The following MACROD2 variants were observed in gnomAD, a reference collection of about 807,000 sequenced individuals.
The protein encoded by MACROD2 is mono-ADP ribosylhydrolase 2.
A neutral mutation model predicts 70.4 loss-of-function variants in MACROD2; 36 were observed. The observed-to-expected ratio is 0.51, with a 90% CI of 0.39 to 0.68. The LOEUF (loss-of-function observed/expected upper bound fraction) is 0.68, where lower values mean the gene tolerates loss of function less well. MACROD2 is among the 30% of genes least tolerant of loss of function. The probability of loss-of-function intolerance (pLI) is 0.00; values close to 1 mark genes in which losing one functional copy is unlikely to be tolerated. For missense variants in MACROD2, 496 were observed against 538.4 expected (o/e 0.92, Z 0.78); for synonymous variants, 172 against 178.8 (o/e 0.96, Z 0.30).
chr20:14,276,165 G>T (rs935746932), intron 3 of MACROD2, among the ~76,000 whole-genome samples: 1 of 149,532 alleles, frequency 6.7e-6, no homozygotes, highest in Non-Finnish European at 1.5e-5. Flanking sequence ...CTGCTATAAA[G>T]ACACATGCAC....
At chr20:14,595,305 A>G (rs1982053278) in intron 4 of MACROD2, among the ~76,000 whole-genome samples, 1 of 152,168 alleles carries the variant, frequency 6.6e-6, no homozygotes, top group Non-Finnish European at 1.5e-5. Context: ...AAAAAAATAC[A>G]CAGTGACTCT....
intron 3 of MACROD2, among the ~76,000 whole-genome samples, chr20:14,360,043 C>T (rs549184677): frequency 6.9e-6 from 1 of 144,438 alleles, no homozygotes; most frequent in African/African-American, 2.6e-5. Flanking sequence ...TATGTGAAAT[C>T]TTAAAAAGTT....
intron 3 of MACROD2, among the ~76,000 whole-genome samples, chr20:14,383,221 C>G (rs906351515): frequency 6.6e-6 from 1 of 152,168 alleles, no homozygotes; most frequent in Non-Finnish European, 1.5e-5. Flanking sequence ...AGTTTCTGCA[C>G]TTGTCATTTT....
chr20:14,564,670 A>G (rs1001319844), intron 4 of MACROD2, among the ~76,000 whole-genome samples: 1 of 151,952 alleles, frequency 6.6e-6, no homozygotes, highest in Non-Finnish European at 1.5e-5. Context: ...CAGAATAGCT[A>G]TTAAAAAGTC....
chr20:15,289,482 CTG>C (rs2077522164), intron 6 of MACROD2, among the ~76,000 whole-genome samples: 1 of 152,174 alleles, frequency 6.6e-6, no homozygotes, highest in African/African-American at 2.4e-5. Flanking sequence ...CAAACTTAAA[CTG>C]TTGTTTGATT....
intron 4 of MACROD2, among the ~76,000 whole-genome samples, chr20:14,660,493 C>CAT (rs937763059): frequency 1.3e-5 from 2 of 152,066 alleles, no homozygotes; most frequent in African/African-American, 2.4e-5. Flanking sequence ...CTATGCTAGG[C>CAT]ATATATATAC....
chr20:15,196,316 T>C (rs1210993233), intron 5 of MACROD2, among the ~76,000 whole-genome samples: 1 of 150,880 alleles, frequency 6.6e-6, no homozygotes, highest in Non-Finnish European at 1.5e-5. Flanking sequence ...AACATACAAA[T>C]ATAACAAGAA....
chr20:15,892,091 A>G (rs4814412), intron 10 of MACROD2, among the ~76,000 whole-genome samples: 4 of 151,930 alleles, frequency 2.6e-5, no homozygotes, highest in Non-Finnish European at 4.4e-5. Context: ...CACTGGCTAC[A>G]TGAACCAGGG....
At chr20:15,198,416 A>G (rs1451888265) in intron 5 of MACROD2, among the ~76,000 whole-genome samples, 1 of 152,200 alleles carries the variant, frequency 6.6e-6, no homozygotes. Context: ...AGGCATAATA[A>G]AAAGCAAAAA....
chr20:14,725,258 A>G (rs1317676009), intron 5 of MACROD2, among the ~76,000 whole-genome samples: 1 of 152,182 alleles, frequency 6.6e-6, no homozygotes, highest in Non-Finnish European at 1.5e-5. Context: ...TAGCACTTGA[A>G]AATGTGAATC....
chr20:14,833,419 G>T (rs2122242345), intron 5 of MACROD2, among the ~76,000 whole-genome samples: 1 of 152,182 alleles, frequency 6.6e-6, no homozygotes, highest in South Asian at 2.1e-4. Flanking sequence ...CAGGCTGAGA[G>T]GACACACAGG....
chr20:14,426,502 A>G (rs1312231996), intron 3 of MACROD2, among the ~76,000 whole-genome samples: 1 of 152,116 alleles, frequency 6.6e-6, no homozygotes, highest in Non-Finnish European at 1.5e-5. Context: ...CTTTCATATT[A>G]GTGACTTTCC....
chr20:14,766,926 A>G (rs537611254), intron 5 of MACROD2, among the ~76,000 whole-genome samples: 2 of 152,274 alleles, frequency 1.3e-5, no homozygotes, highest in Non-Finnish European at 2.9e-5. Flanking sequence ...ACTATAAATG[A>G]TACTTAAATA....
chr20:15,212,498 C>T (rs1042147292), intron 5 of MACROD2, among the ~76,000 whole-genome samples: 4 of 152,058 alleles, frequency 2.6e-5, no homozygotes, highest in African/African-American at 9.7e-5. Flanking sequence ...TACTTTTGGA[C>T]AAGTTTTGCT....
chr20:14,273,822 G>A (rs978234220), intron 3 of MACROD2, among the ~76,000 whole-genome samples: 21 of 151,982 alleles, frequency 1.4e-4, no homozygotes, highest in South Asian at 4.2e-4. Flanking sequence ...TATCACCACC[G>A]ATCCCACAGA....
chr20:15,945,983 G>A (rs1339069069), intron 12 of MACROD2, among the ~76,000 whole-genome samples: 1 of 152,114 alleles, frequency 6.6e-6, no homozygotes, highest in South Asian at 2.1e-4. Context: ...TTGGAACCAC[G>A]GCAACAGGGA....
At chr20:14,266,900 G>T (rs1477770399) in intron 3 of MACROD2, among the ~76,000 whole-genome samples, 2 of 152,166 alleles carry the variant, frequency 1.3e-5, no homozygotes, top group Admixed American at 6.5e-5. Flanking sequence ...TGGTGTTTCT[G>T]TAGAACATAT....
chr20:14,913,585 G>A (rs1400518920), intron 5 of MACROD2, among the ~76,000 whole-genome samples: 2 of 152,112 alleles, frequency 1.3e-5, no homozygotes, highest in African/African-American at 4.8e-5. Flanking sequence ...AACTCATGAG[G>A]CTGAGGCAAG....
chr20:15,021,441 G>C (rs531316103), intron 5 of MACROD2: 1 of 148,790 alleles, frequency 6.7e-6, no homozygotes, highest in South Asian at 2.1e-4. Context: ...TATATACACA[G>C]ATACGTATAT....
Sources: allele counts gnomAD v4.1 joint callset (sites outside exome capture counted in the v4.1 genomes callset), GRCh38; gene constraint gnomAD v4.1.1; transcripts MANE v1.5; gene names NCBI Gene and HGNC (gene_info 2026-07-23, HGNC 2026-07-21).